The following IST1 variants were observed in gnomAD, a reference collection of about 807,000 sequenced individuals.
The protein encoded by IST1 is IST1 factor associated with ESCRT-III.
Under a neutral mutation model 37.0 loss-of-function variants are expected in IST1, and 23 were observed. The ratio of observed to expected loss-of-function variants is 0.62; its 90% CI spans 0.45 to 0.88. The LOEUF is 0.88. IST1 is among the 40% of genes least tolerant of loss of function. The pLI, the probability that IST1 is intolerant of heterozygous loss-of-function variation, is 0.00. For missense variants in IST1, 488 were observed against 445.4 expected, an observed-to-expected ratio of 1.10 and a Z score of -0.86; for synonymous variants, 180 against 161.7, an observed-to-expected ratio of 1.11 and a Z score of -0.86.
In IST1 at chr16:71,899,916, G is replaced by A. The variant is rs1013799008; in HGVS notation, c.-16+4327G>A. Among the ~76,000 whole-genome samples, 3 of 151,610 alleles carry A rather than the reference G, an allele frequency of 2.0e-5. No individual in the cohort carries two copies. In the South Asian group the frequency reaches 6.2e-4, roughly 32 times the overall value. On this transcript the variant is annotated intron_variant, in intron 1 of 9. Transcript: ENST00000378799. ...TGGGTGCCTGTAGTCCCAGCTACTCGGGAGGCTGAGGCAGAGGTAGTAGTG... is the reference window on the plus strand; with the variant it reads ...TGGGTGCCTGTAGTCCCAGCTACTCAGGAGGCTGAGGCAGAGGTAGTAGTG...
At chr16:71,896,169 C>T (rs139484250) in intron 1 of IST1, among the ~76,000 whole-genome samples, 15 of 152,060 alleles carry the variant, frequency 9.9e-5, no homozygotes, top group Non-Finnish European at 2.9e-5. Flanking sequence ...TTTCTCGGAT[C>T]CCTGCGTGTG....
chr16:71,921,597 C>T, intron 6 of IST1, 144 bp downstream of exon 6: 2 of 592,636 alleles, frequency 3.4e-6, no homozygotes, highest in East Asian at 2.8e-5. Context: ...AATAAATGTG[C>T]CTGCATATCT....
At chr16:71,894,961 G>A (rs781526531), upstream of IST1, 17 of 850,008 alleles carry the variant, frequency 2.0e-5, no homozygotes, top group Middle Eastern at 4.5e-4. Flanking sequence ...ACACAGACCG[G>A]AGCGATGCTG....
chr16:71,927,400 AATTGCCT>A (rs1262767378), intron 9 of IST1, among the ~76,000 whole-genome samples: 1 of 151,654 alleles, frequency 6.6e-6, no homozygotes, highest in East Asian at 1.9e-4. Flanking sequence ...GAGGCAGGAG[AATTGCCT>A]GAACCCAGGA....
chr16:71,895,559 GT>G lies in IST1; in HGVS notation c.-45del. On this transcript the variant is annotated 5_prime_UTR_variant, in exon 1 of 10. The change creates a premature stop within an existing upstream ORF in the 5' untranslated region. Coordinates refer to ENST00000378799, the MANE Select transcript of IST1 (RefSeq NM_001270975.2). ...TTGGATGGTGAACCCTGAAGTCGGT[GT>G]CTGCTGCGTTCACGGCAGGATTCGG... 7.1e-6 allele frequency: 7 copies of G among 985,656 alleles called. No homozygotes were observed. The highest frequency in any genetic ancestry group is 1.7e-5 in the African/African-American group (1 of 57,380). The allele number at this position is 985,656 out of a possible 1,614,324, so 61.1% of individuals were successfully genotyped here.
At position 71,922,582 on chromosome 16, in the gene IST1, G is replaced by A; in HGVS notation, c.661G>A (p.Val221Ile). 6.2e-7 allele frequency: 1 copy of A among 1,613,806 alleles called. No individual in the cohort carries two copies. The highest frequency in any genetic ancestry group is 8.5e-7 in the Non-Finnish European group (1 of 1,179,952). ...AGGGAGTGGTGGCTTCACAGCACCA[G>A]TTGGTGGACCTGATGGAACGGTGCC... is the stretch of plus-strand genomic sequence containing the variant. Reference protein sequence around the residue: ...RGGSGGFTAPVGGPDGTVPMP... With the variant: ...RGGSGGFTAPIGGPDGTVPMP... Residue 221 changes from valine to isoleucine, a missense_variant, in exon 7 of 10, where the codon GTT (valine) becomes ATT (isoleucine). By Grantham distance (29) the Val-to-Ile change is conservative. Transcript: ENST00000378799.
intron 1 of IST1, among the ~76,000 whole-genome samples, chr16:71,902,296 G>A (rs2037125544): frequency 6.6e-6 from 1 of 151,988 alleles, no homozygotes; most frequent in Non-Finnish European, 1.5e-5. Flanking sequence ...TTGAGACAAA[G>A]TCTGGCTCTG....
rs1290751132 is a variant in IST1 at position 71,927,545 on chromosome 16, T to G, written c.902-69T>G. On this transcript the variant is annotated intron_variant, in intron 9 of 9. Transcript: ENST00000378799. ...TTCTCCTGTGTTTTGATCATTTTAT[T>G]TTTACTGCCAAAGGGGATCTGAGTC... The G allele has an allele frequency of 7.0e-6, 8 of 1,146,256 alleles. No individual in the cohort carries two copies. The Admixed American group carries it at 1.4e-4, about 20-fold the overall frequency. 71.0% of individuals were successfully genotyped at this position (1,146,256 alleles called of 1,614,324 possible).
At chr16:71,905,659 C>T (rs748356336) in intron 1 of IST1, among the ~76,000 whole-genome samples, 3 of 152,172 alleles carry the variant, frequency 2.0e-5, no homozygotes, top group Non-Finnish European at 4.4e-5. Flanking sequence ...GGATTACAGG[C>T]GTGAGCCACC....
intron 8 of IST1, 29 bp downstream of exon 8, chr16:71,923,409 A>G (rs754968196): frequency 7.1e-6 from 10 of 1,398,858 alleles, no homozygotes; most frequent in Admixed American, 5.2e-5. Flanking sequence ...TTTATAAGCA[A>G]CAGGAGAGTG....
chr16:71,905,629 C>T (rs781439360), intron 1 of IST1, among the ~76,000 whole-genome samples: 9 of 152,194 alleles, frequency 5.9e-5, no homozygotes, highest in Non-Finnish European at 1.0e-4. Flanking sequence ...ATCCACCTGC[C>T]TTGGCCTTCC....
intron 9 of IST1, among the ~76,000 whole-genome samples, chr16:71,927,079 G>A (rs2037761269): frequency 6.6e-6 from 1 of 152,130 alleles, no homozygotes; most frequent in Admixed American, 6.5e-5. Context: ...TGTGGATGTG[G>A]CCCCATGTAT....
At chr16:71,896,420 A>G (rs1176349955) in intron 1 of IST1, among the ~76,000 whole-genome samples, 2 of 152,134 alleles carry the variant, frequency 1.3e-5, no homozygotes, top group African/African-American at 4.8e-5. Flanking sequence ...TTAACTTTTT[A>G]TTATGGAAAA....
intron 6 of IST1, 74 bp downstream of exon 6, chr16:71,921,527 C>T (rs1475829380): frequency 1.6e-6 from 1 of 644,974 alleles, no homozygotes; most frequent in African/African-American, 2.0e-5. Flanking sequence ...AAAAAACATT[C>T]TTTGCACTAA....
chr16:71,896,848 G>A (rs193292936), intron 1 of IST1, among the ~76,000 whole-genome samples: 7 of 152,118 alleles, frequency 4.6e-5, no homozygotes, highest in African/African-American at 1.4e-4. Flanking sequence ...GTGGAGGCCC[G>A]CATCTATAGT....
At chr16:71,901,504 C>T (rs139184620) in intron 1 of IST1, among the ~76,000 whole-genome samples, 60 of 152,238 alleles carry the variant, frequency 3.9e-4, no homozygotes, top group African/African-American at 1.3e-3. Flanking sequence ...TGAGCCACCG[C>T]GCCCTGCGTA....
rs968801769 is a variant in IST1 at position 71,916,631 on chromosome 16, C to T, written c.258C>T (p.Ile86=). 6.2e-7 allele frequency: 1 copy of T among 1,612,852 alleles called. No individual in the cohort carries two copies. Among genetic ancestry groups the T allele is most frequent in the African/African-American group, 1.3e-5 (1 of 74,862 alleles). ...TGCTGCTGGCTCGGTTTGGCCTTAT[C>T]CAGTCTATGAAGTAAGATATTTTGA... is the stretch of plus-strand genomic sequence containing the variant. The part of the protein sequence containing the change: ...CDLLLARFGL[I]QSMKELDSGL... Residue 86 remains isoleucine (I), a synonymous_variant, in exon 3 of 10, where the codon ATC becomes ATT. Coordinates refer to ENST00000378799, the MANE Select transcript of IST1 (RefSeq NM_001270975.2).
intron 2 of IST1, among the ~76,000 whole-genome samples, chr16:71,915,965 G>A (rs2037457991): frequency 6.6e-6 from 1 of 151,990 alleles, no homozygotes; most frequent in Non-Finnish European, 1.5e-5. Flanking sequence ...CAAGTAGCTG[G>A]GATTACAGGT....
intron 1 of IST1, among the ~76,000 whole-genome samples, chr16:71,904,154 C>T (rs968078430): frequency 7.9e-5 from 12 of 152,098 alleles, no homozygotes; most frequent in Admixed American, 1.3e-4. Context: ...GACGGAGTTT[C>T]GCTGTTGTTG....
Sources: allele counts gnomAD v4.1 joint callset (sites outside exome capture counted in the v4.1 genomes callset), GRCh38; gene constraint gnomAD v4.1.1; transcripts MANE v1.5; gene names NCBI Gene and HGNC (gene_info 2026-07-23, HGNC 2026-07-21).